Variants in ST6GALNAC3 observed in about 807,000 individuals in gnomAD.
ST6GALNAC3 encodes the protein alpha-N-acetylgalactosaminide alpha-2,6-sialyltransferase 3.
ST6GALNAC3 carries 25 observed loss-of-function variants against 32.7 expected under a neutral mutation model. The ratio of observed to expected loss-of-function variants is 0.76; its 90% confidence interval spans 0.56 to 1.07. The LOEUF (loss-of-function observed/expected upper bound fraction) is 1.07. Ranked by LOEUF, ST6GALNAC3 falls within the 50% of genes least tolerant of loss-of-function variation. The pLI, the probability that ST6GALNAC3 is intolerant of heterozygous loss-of-function variation, is 0.00. For synonymous variants in ST6GALNAC3, 129 were observed against 133.1 expected (o/e 0.97, Z 0.21); for missense variants, 355 against 382.4 (o/e 0.93, Z 0.60).
intron 3 of ST6GALNAC3, among the ~76,000 whole-genome samples, chr1:76,464,187 C>T (rs1658476002): frequency 6.6e-6 from 1 of 152,130 alleles, no homozygotes. Flanking sequence ...CCTTTAGGTC[C>T]TTTCAGTGCT....
chr1:76,252,654 A>C (rs1400924688), intron 1 of ST6GALNAC3, among the ~76,000 whole-genome samples: 3 of 152,162 alleles, frequency 2.0e-5, no homozygotes, highest in Non-Finnish European at 4.4e-5. Flanking sequence ...GCAGTTGTAC[A>C]CACTGACATT....
At chr1:76,627,782 A>G (rs1649067275) in intron 4 of ST6GALNAC3, among the ~76,000 whole-genome samples, 1 of 151,976 alleles carries the variant, frequency 6.6e-6, no homozygotes, top group Non-Finnish European at 1.5e-5. Context: ...GTCAGGAGGA[A>G]CACTTTTCCC....
At chr1:76,223,211 T>TA (rs1472273227) in intron 1 of ST6GALNAC3, among the ~76,000 whole-genome samples, 1 of 152,076 alleles carries the variant, frequency 6.6e-6, no homozygotes, top group Non-Finnish European at 1.5e-5. Flanking sequence ...TATGCAGCCA[T>TA]AAAAAAGAAC....
chr1:76,168,827 A>T (rs1008323908), intron 1 of ST6GALNAC3, among the ~76,000 whole-genome samples: 2 of 151,550 alleles, frequency 1.3e-5, no homozygotes, highest in East Asian at 3.9e-4. Flanking sequence ...CCATCCCTTT[A>T]TTTTGAGCCT....
chr1:76,228,968 C>T (rs560520), intron 1 of ST6GALNAC3, among the ~76,000 whole-genome samples: 45,470 of 151,938 alleles, frequency 0.3, 8,581 homozygotes, highest in African/African-American at 0.53. Context: ...GAAGGAGCCA[C>T]CCACAGACAG....
chr1:76,210,894 C>T (rs2100572379), intron 1 of ST6GALNAC3, among the ~76,000 whole-genome samples: 1 of 152,226 alleles, frequency 6.6e-6, no homozygotes, highest in African/African-American at 2.4e-5. Flanking sequence ...TTACAGGCAC[C>T]TGTCACCACA....
intron 3 of ST6GALNAC3, among the ~76,000 whole-genome samples, chr1:76,430,087 C>T (rs1330890415): frequency 6.6e-6 from 1 of 152,106 alleles, no homozygotes; most frequent in Non-Finnish European, 1.5e-5. Context: ...TCTTTCCTAA[C>T]GAAAATGTAA....
chr1:76,242,296 G>A (rs567475807), intron 1 of ST6GALNAC3, among the ~76,000 whole-genome samples: 1 of 152,160 alleles, frequency 6.6e-6, no homozygotes, highest in African/African-American at 2.4e-5. Flanking sequence ...GAAAACCCTG[G>A]GGGAGAGGAG....
intron 2 of ST6GALNAC3, among the ~76,000 whole-genome samples, chr1:76,328,887 C>T (rs543837347): frequency 1.3e-5 from 2 of 152,126 alleles, no homozygotes; most frequent in Non-Finnish European, 2.9e-5. Context: ...TCCCTGGGAG[C>T]CACATGAATA....
At chr1:76,206,252 T>C (rs1346193561) in intron 1 of ST6GALNAC3, among the ~76,000 whole-genome samples, 1 of 152,172 alleles carries the variant, frequency 6.6e-6, no homozygotes, top group Non-Finnish European at 1.5e-5. Context: ...ATACCTCTTT[T>C]GTTGTCAGCC....
intron 2 of ST6GALNAC3, among the ~76,000 whole-genome samples, chr1:76,326,676 G>C (rs1459180273): frequency 6.6e-6 from 1 of 151,812 alleles, no homozygotes; most frequent in Non-Finnish European, 1.5e-5. Flanking sequence ...GTTATTCATG[G>C]ATATTTTGTA....
At chr1:76,601,101 G>A (rs899011444) in intron 3 of ST6GALNAC3, among the ~76,000 whole-genome samples, 4 of 152,154 alleles carry the variant, frequency 2.6e-5, no homozygotes, top group African/African-American at 9.7e-5. Flanking sequence ...AGGAGGCTAA[G>A]GTGAAAGGAT....
rs148430690 is a variant in ST6GALNAC3, at chr1:76,341,539, C to T, written c.213+27540C>T. ...TAGTGCAGGTGTCTCTTGGTATATACTCAGTAATAGGATTGCCAGCTGAAT... is the reference window on the plus strand; with the variant it reads ...TAGTGCAGGTGTCTCTTGGTATATATTCAGTAATAGGATTGCCAGCTGAAT... On this transcript the variant is annotated intron_variant, in intron 2 of 4. Transcript: ENST00000328299. Among the ~76,000 whole-genome samples, 6 of 152,036 alleles carry T rather than the reference C, an allele frequency of 3.9e-5. No individual in the cohort carries two copies. In the East Asian group the frequency reaches 9.7e-4, roughly 25 times the overall value.
intron 1 of ST6GALNAC3, among the ~76,000 whole-genome samples, chr1:76,187,269 G>A (rs1023480941): frequency 3.3e-5 from 5 of 152,092 alleles, no homozygotes; most frequent in African/African-American, 1.2e-4. Flanking sequence ...AAATACCTTG[G>A]TTGTTTTCCA....
intron 1 of ST6GALNAC3, among the ~76,000 whole-genome samples, chr1:76,080,292 A>G (rs944778770): frequency 2.1e-5 from 3 of 144,116 alleles, no homozygotes; most frequent in African/African-American, 7.7e-5. Flanking sequence ...CAGTGGTGTT[A>G]TTAATTTTTT....
chr1:76,098,341 T>G (rs1002587375), intron 1 of ST6GALNAC3, among the ~76,000 whole-genome samples: 2 of 152,198 alleles, frequency 1.3e-5, no homozygotes, highest in Admixed American at 1.3e-4. Context: ...CTTTCACAAT[T>G]TTTCCTGATG....
chr1:76,225,551 A>G (rs1375044202), intron 1 of ST6GALNAC3, among the ~76,000 whole-genome samples: 1 of 152,156 alleles, frequency 6.6e-6, no homozygotes, highest in Non-Finnish European at 1.5e-5. Context: ...TAAGGCCACC[A>G]AAGGGAACGT....
At chr1:76,522,858 T>C (rs901697092) in intron 3 of ST6GALNAC3, among the ~76,000 whole-genome samples, 11 of 152,226 alleles carry the variant, frequency 7.2e-5, no homozygotes, top group African/African-American at 1.9e-4. Flanking sequence ...GATCTGTTGG[T>C]TCACATCATT....
chr1:76,154,887 G>T (rs188431810), intron 1 of ST6GALNAC3, among the ~76,000 whole-genome samples: 1 of 152,222 alleles, frequency 6.6e-6, no homozygotes, highest in Admixed American at 6.5e-5. Flanking sequence ...CTGACTTCCG[G>T]GTTTTTAGGT....
Sources: gnomAD v4.1 joint callset for allele counts (sites outside exome capture counted in the v4.1 genomes callset) on GRCh38, gnomAD v4.1.1 for gene constraint, MANE v1.5 for transcripts, NCBI Gene and HGNC (gene_info 2026-07-23, HGNC 2026-07-21) for gene names.